The following FARS2 variants were observed in gnomAD, a reference collection of about 807,000 sequenced individuals.
FARS2 encodes phenylalanine--tRNA ligase, mitochondrial.
Under a neutral mutation model 46.4 loss-of-function variants are expected in FARS2, and 40 were observed. That is an observed-to-expected ratio of 0.86 (90% CI 0.67 to 1.12). The LOEUF (loss-of-function observed/expected upper bound fraction) is 1.12, where lower values mean the gene tolerates loss of function less well. Ranked by LOEUF, FARS2 falls within the 50% of genes most tolerant of loss-of-function variation. The pLI is 0.00. For missense variants in FARS2, 513 were observed against 567.9 expected, an observed-to-expected ratio of 0.90 and a Z score of 0.98; for synonymous variants, 234 against 214.9, an observed-to-expected ratio of 1.09 and a Z score of -0.78.
intron 4 of FARS2, among the ~76,000 whole-genome samples, chr6:5,508,044 A>G (rs1172486012): frequency 4.6e-5 from 7 of 152,200 alleles, no homozygotes. Flanking sequence ...AAAGCAAGGT[A>G]TGCTTCTATG....
chr6:5,747,000 A>C (rs1761684221), intron 6 of FARS2, among the ~76,000 whole-genome samples: 1 of 152,234 alleles, frequency 6.6e-6, no homozygotes, highest in Non-Finnish European at 1.5e-5. Context: ...AGATGAGCAA[A>C]GACATGCAGG....
rs1224333692 is a variant in FARS2 at position 5,410,717 on chromosome 6, G to C, written c.772+6016G>C. Among the ~76,000 whole-genome samples, 7 of 152,262 alleles carry C rather than the reference G, an allele frequency of 4.6e-5. No homozygotes were observed. In the East Asian group the frequency reaches 1.2e-3, roughly 25 times the overall value. On this transcript the variant is annotated intron_variant, in intron 3 of 6. Transcript: ENST00000274680. ...ACGTTGACAAGGAGTTTTTTCTTTT[G>C]ACGTGCATCTATGATATGGGTGTTA... is the stretch of plus-strand genomic sequence containing the variant.
intron 6 of FARS2, among the ~76,000 whole-genome samples, chr6:5,731,913 C>G (rs1463282385): frequency 6.6e-6 from 1 of 152,144 alleles, no homozygotes. Flanking sequence ...ATGGGCCTGG[C>G]TGTATGAGAC....
rs552903555 is a variant in FARS2, at chr6:5,336,368, A to G, written c.-21-32182A>G. The stretch of plus-strand genomic sequence containing the variant: ...GTCTCGGTGACTTTATTTTATACCC[A>G]TATAAACTAGAAGCTATGAGTCTTT... On this transcript the variant is annotated intron_variant, in intron 1 of 6. Transcript: ENST00000274680. 5.9e-5 allele frequency among the ~76,000 whole-genome samples: 9 copies of G among 152,260 alleles called. No homozygotes were observed. In the East Asian group the frequency reaches 1.5e-3, roughly 26 times the overall value.
rs183203697 is a variant in FARS2 at position 5,358,678 on chromosome 6, C to T, written c.-21-9872C>T. 1.0e-3 allele frequency among the ~76,000 whole-genome samples: 158 copies of T among 152,214 alleles called. 1 individual carries two copies. The highest frequency in any genetic ancestry group is 3.6e-3 in the African/African-American group (149 of 41,552). On this transcript the variant is annotated intron_variant, in intron 1 of 6. Transcript: ENST00000274680. ...AGAATGATTGGGAATCACTACAATT[C>T]CAAATACGGTGATATCTTTAGACAC...
chr6:5,577,585 T>G (rs144303275), intron 5 of FARS2, among the ~76,000 whole-genome samples: 97 of 152,318 alleles, frequency 6.4e-4, no homozygotes, highest in African/African-American at 2.2e-3. Context: ...TTTTAAGATT[T>G]TTTTAATTTC....
chr6:5,735,331 C>T (rs1027712765), intron 6 of FARS2, among the ~76,000 whole-genome samples: 1 of 152,232 alleles, frequency 6.6e-6, no homozygotes, highest in African/African-American at 2.4e-5. Flanking sequence ...ACGTCATTTT[C>T]CTGTGATCCT....
chr6:5,419,556 G>A (rs370717293), intron 3 of FARS2, among the ~76,000 whole-genome samples: 12 of 152,070 alleles, frequency 7.9e-5, no homozygotes, highest in East Asian at 5.8e-4. Flanking sequence ...AAGTGGATTT[G>A]CAGGTGATTC....
intron 6 of FARS2, among the ~76,000 whole-genome samples, chr6:5,626,751 C>A (rs1222338424): frequency 2.0e-5 from 3 of 152,204 alleles, no homozygotes; most frequent in African/African-American, 7.2e-5. Context: ...ACCTAATAAT[C>A]TTTTGTGAAC....
intron 6 of FARS2, among the ~76,000 whole-genome samples, chr6:5,646,229 A>G (rs560143272): frequency 6.6e-6 from 1 of 152,334 alleles, no homozygotes; most frequent in East Asian, 1.9e-4. Context: ...TGTTACTCCC[A>G]TGGCCTCTCA....
intron 5 of FARS2, among the ~76,000 whole-genome samples, chr6:5,598,601 A>G (rs1190231586): frequency 1.3e-5 from 2 of 152,198 alleles, no homozygotes; most frequent in African/African-American, 4.8e-5. Flanking sequence ...GTACAAAACA[A>G]TGCTTCCAAC....
intron 4 of FARS2, among the ~76,000 whole-genome samples, chr6:5,532,716 ACTC>A (rs1347004705): frequency 2.6e-5 from 4 of 152,060 alleles, no homozygotes; most frequent in African/African-American, 9.7e-5. Flanking sequence ...GTGCCATTGC[ACTC>A]CATCCTGGGC....
chr6:5,752,825 C>T (rs1054944703), intron 6 of FARS2, among the ~76,000 whole-genome samples: 7 of 152,072 alleles, frequency 4.6e-5, no homozygotes, highest in African/African-American at 1.7e-4. Context: ...AGAAGGCCCA[C>T]ATCATAGGAA....
intron 1 of FARS2, among the ~76,000 whole-genome samples, chr6:5,308,694 A>G (rs958218356): frequency 2.0e-5 from 3 of 152,214 alleles, no homozygotes; most frequent in South Asian, 2.1e-4. Context: ...TGCAGCTCCA[A>G]CGTCTAACAA....
intron 2 of FARS2, among the ~76,000 whole-genome samples, chr6:5,370,016 G>A (rs1305971808): frequency 7.2e-5 from 11 of 151,932 alleles, no homozygotes; most frequent in Admixed American, 1.3e-4. Context: ...GTTAAACTAA[G>A]CACAGGGTGT....
chr6:5,366,021 G>A (rs1368627052), intron 1 of FARS2, among the ~76,000 whole-genome samples: 6 of 151,992 alleles, frequency 3.9e-5, no homozygotes, highest in East Asian at 1.9e-4. Flanking sequence ...TAGGGGAGGC[G>A]GAAGGGGAGG....
At chr6:5,671,669 A>G (rs1411388330) in intron 6 of FARS2, among the ~76,000 whole-genome samples, 2 of 152,190 alleles carry the variant, frequency 1.3e-5, no homozygotes, top group African/African-American at 4.8e-5. Flanking sequence ...TCCAAGAACC[A>G]AGCACATGTT....
In FARS2 at chr6:5,372,834, C is replaced by T. The variant is rs142644266; in HGVS notation, c.612+3652C>T. On this transcript the variant is annotated intron_variant, in intron 2 of 6. Transcript: ENST00000274680. ...CTAAAAGGGTATTTGTCATATCTTTCGCTTTAGATATGTTTATTTTAAAAA... is the reference window on the plus strand; with the variant it reads ...CTAAAAGGGTATTTGTCATATCTTTTGCTTTAGATATGTTTATTTTAAAAA... 4.1e-3 allele frequency among the ~76,000 whole-genome samples: 628 copies of T among 152,120 alleles called. 5 individuals carry two copies. Among genetic ancestry groups the T allele is most frequent in the African/African-American group, 0.014 (594 of 41,496 alleles).
intron 6 of FARS2, among the ~76,000 whole-genome samples, chr6:5,748,978 T>G (rs967353774): frequency 1.3e-5 from 2 of 152,242 alleles, no homozygotes; most frequent in African/African-American, 4.8e-5. Context: ...ATTACTGTTA[T>G]GATGAAACGA....
Sources: allele counts gnomAD v4.1 joint callset (sites outside exome capture counted in the v4.1 genomes callset), GRCh38; gene constraint gnomAD v4.1.1; transcripts MANE v1.5; gene names NCBI Gene and HGNC (gene_info 2026-07-23, HGNC 2026-07-21).